The following SLC25A13 variants were observed in gnomAD, a reference collection of about 807,000 sequenced individuals.
The protein encoded by SLC25A13 is solute carrier family 25 member 13, also known as electrogenic aspartate/glutamate antiporter SLC25A13, mitochondrial.
Under a neutral mutation model 85.5 loss-of-function variants are expected in SLC25A13, and 70 were observed. The ratio of observed to expected loss-of-function variants is 0.82; its 90% CI spans 0.68 to 1.00. SLC25A13 has a LOEUF of 1.00. SLC25A13 is among the 50% of genes least tolerant of loss of function. The pLI is 0.00. For missense variants in SLC25A13, 765 were observed against 819.8 expected, an observed-to-expected ratio of 0.93 and a Z score of 0.82; for synonymous variants, 259 against 288.7, an observed-to-expected ratio of 0.90 and a Z score of 1.04.
chr7:96,309,728 C>T (rs1018483147), intron 1 of SLC25A13: 10 of 152,200 alleles, frequency 6.6e-5, no homozygotes, highest in Admixed American at 2.0e-4. Context: ...GCAAAGATCA[C>T]TTCCCTTCAG....
intron 15 of SLC25A13, among the ~76,000 whole-genome samples, chr7:96,129,432 C>T (rs1398616208): frequency 6.6e-6 from 1 of 151,822 alleles, no homozygotes; most frequent in East Asian, 1.9e-4. Context: ...TGCTTTTTAC[C>T]AACAAACTCA....
At chr7:96,145,265 A>G (rs1050566890) in intron 14 of SLC25A13, among the ~76,000 whole-genome samples, 2 of 152,152 alleles carry the variant, frequency 1.3e-5, no homozygotes, top group African/African-American at 4.8e-5. Flanking sequence ...CAATCTTCAC[A>G]AAGTCTCAGA....
chr7:96,294,684 C>T (rs183308148), intron 2 of SLC25A13, among the ~76,000 whole-genome samples: 219 of 151,970 alleles, frequency 1.4e-3, no homozygotes, highest in Middle Eastern at 6.8e-3. Context: ...AAGAACATTG[C>T]TTTGTTTTTA....
At chr7:96,247,538 T>C (rs1199355688) in intron 3 of SLC25A13, among the ~76,000 whole-genome samples, 3 of 152,124 alleles carry the variant, frequency 2.0e-5, no homozygotes, top group Admixed American at 6.5e-5. Flanking sequence ...ATTCCATCAA[T>C]TGTATCTCAG....
intron 3 of SLC25A13, among the ~76,000 whole-genome samples, chr7:96,270,913 G>A (rs73710266): frequency 0.013 from 1,983 of 152,086 alleles, 42 homozygotes; most frequent in African/African-American, 0.046. Flanking sequence ...TGGCTGCAAC[G>A]CTCCAACCTC....
chr7:96,261,933 T>C (rs1797868811), intron 3 of SLC25A13, among the ~76,000 whole-genome samples: 3 of 152,114 alleles, frequency 2.0e-5, no homozygotes, highest in Non-Finnish European at 4.4e-5. Context: ...ACTCCTGAGA[T>C]AAAGAACCCA....
At chr7:96,267,550 C>T (rs369048544) in intron 3 of SLC25A13, among the ~76,000 whole-genome samples, 7 of 152,274 alleles carry the variant, frequency 4.6e-5, no homozygotes, top group South Asian at 2.1e-4. Flanking sequence ...TAGTGGCTCA[C>T]GTCTGTAATT....
chr7:96,196,418 T>C (rs1455931480), intron 5 of SLC25A13, among the ~76,000 whole-genome samples: 1 of 152,054 alleles, frequency 6.6e-6, no homozygotes, highest in Admixed American at 6.6e-5. Context: ...GGCAACCCCA[T>C]CTCCTCAGAA....
chr7:96,281,391 CA>C (rs748690314), intron 2 of SLC25A13, among the ~76,000 whole-genome samples: 1,321 of 57,086 alleles, frequency 0.023, 13 homozygotes, highest in African/African-American at 0.063. Context: ...AACTCCATCT[CA>C]AAAAAAAAAA....
intron 16 of SLC25A13, 23 bp downstream of exon 16, chr7:96,121,816 T>C: frequency 6.2e-7 from 1 of 1,614,190 alleles, no homozygotes; most frequent in Non-Finnish European, 8.5e-7. Context: ...AAAGAGTTAG[T>C]TAAGAACACA....
intron 11 of SLC25A13, among the ~76,000 whole-genome samples, chr7:96,172,915 C>T (rs1018816557): frequency 2.0e-5 from 3 of 152,094 alleles, no homozygotes; most frequent in Admixed American, 1.3e-4. Flanking sequence ...CCTGCCACCA[C>T]GCCCGGCTAA....
intron 2 of SLC25A13, among the ~76,000 whole-genome samples, chr7:96,289,738 C>A (rs929220766): frequency 1.3e-5 from 2 of 152,128 alleles, no homozygotes; most frequent in Non-Finnish European, 2.9e-5. Context: ...TGAACAAAGC[C>A]TCCAAGAAAT....
At chr7:96,123,841 G>A (rs1791618338) in intron 15 of SLC25A13, among the ~76,000 whole-genome samples, 2 of 152,200 alleles carry the variant, frequency 1.3e-5, no homozygotes, top group Admixed American at 1.3e-4. Flanking sequence ...GATTTTGGGG[G>A]CCAGGGTTGG....
Position 96,296,942 on chromosome 7 carries a change from T to C in SLC25A13, c.25A>G (p.Thr9Ala), listed in dbSNP as rs1223102191. Residue 9 changes from threonine to alanine, a missense_variant, in exon 2 of 18, where the codon ACC becomes GCC. Thr to Ala is a moderately conservative substitution (Grantham distance 58). Transcript: ENST00000265631. MAAAKVAL[T>A]KRADPAELRT... is the part of the protein sequence containing the mutation. The stretch of plus-strand genomic sequence containing the variant: ...AGCTCAGCTGGATCTGCTCTCTTGG[T>C]TAAAGCCACCTATAAATAAACATAA... 1 of 1,613,188 alleles carries C rather than the reference T, an allele frequency of 6.2e-7. No individual in the cohort carries two copies. Among genetic ancestry groups the C allele is most frequent in the Non-Finnish European group, 8.5e-7 (1 of 1,179,340 alleles).
At chr7:96,268,025 T>C (rs1000186961) in intron 3 of SLC25A13, among the ~76,000 whole-genome samples, 2 of 152,054 alleles carry the variant, frequency 1.3e-5, no homozygotes, top group Admixed American at 6.6e-5. Context: ...GTAAATTCCT[T>C]TGTGACCCTA....
intron 3 of SLC25A13, among the ~76,000 whole-genome samples, chr7:96,259,245 C>A (rs913840701): frequency 6.6e-6 from 1 of 152,002 alleles, no homozygotes; most frequent in Admixed American, 6.6e-5. Flanking sequence ...TTCTGCACAG[C>A]GAAAGAAACT....
At chr7:96,211,633 TGG>T (rs2116727597) in intron 4 of SLC25A13, among the ~76,000 whole-genome samples, 1 of 152,298 alleles carries the variant, frequency 6.6e-6, no homozygotes, top group African/African-American at 2.4e-5. Context: ...GCTGGCACAG[TGG>T]TAGGCAGAGA....
At chr7:96,192,956 A>T in intron 6 of SLC25A13, 81 bp downstream of exon 6, 1 of 1,467,044 alleles carries the variant, frequency 6.8e-7, no homozygotes, top group Non-Finnish European at 9.5e-7. Flanking sequence ...GAAAAAAAAC[A>T]CTACATAACT....
chr7:96,285,125 C>T (rs189891393), intron 2 of SLC25A13, among the ~76,000 whole-genome samples: 83 of 152,284 alleles, frequency 5.5e-4, no homozygotes, highest in African/African-American at 1.8e-3. Flanking sequence ...ATTACTGGCA[C>T]CTCTCTGCAC....
Sources: allele counts gnomAD v4.1 joint callset (sites outside exome capture counted in the v4.1 genomes callset), GRCh38; gene constraint gnomAD v4.1.1; transcripts MANE v1.5; gene names NCBI Gene and HGNC (gene_info 2026-07-23, HGNC 2026-07-21).